PATE2: variants seen among roughly 807,000 people sequenced by gnomAD.
PATE2 encodes prostate and testis expressed protein 2.
In PATE2, 7 loss-of-function variants were observed where a neutral mutation model predicts 10.5. The ratio of observed to expected loss-of-function variants is 0.66; its 90% CI spans 0.38 to 1.25. The LOEUF (loss-of-function observed/expected upper bound fraction) is 1.25, where lower values mean the gene tolerates loss of function less well. Ranked by LOEUF, PATE2 falls within the 50% of genes most tolerant of loss-of-function variation. The probability of loss-of-function intolerance (pLI) is 0.02; values close to 1 mark genes in which losing one functional copy is unlikely to be tolerated. For missense variants in PATE2, 133 were observed against 135.4 expected (o/e 0.98, Z 0.09); for synonymous variants, 44 against 46.9 (o/e 0.94, Z 0.25).
chr11:125,777,029 TC>T lies in PATE2; in HGVS notation c.*352del. On this transcript the variant is annotated 3_prime_UTR_variant, in exon 4 of 4. Transcript: ENST00000358524. ...GTGTGTAGATGAGGATAGAGGATAG[TC>T]ACAGAATTCTCAGTACAAATTGGAG... 5.6e-6 allele frequency: 1 copy of T among 177,716 alleles called. No homozygotes were observed. The highest frequency in any genetic ancestry group is 1.2e-5 in the Non-Finnish European group (1 of 84,104). The allele number at this position is 177,716 out of a possible 1,614,324, so 11.0% of individuals were successfully genotyped here.
intron 3 of PATE2, 37 bp from the exon 4 acceptor site, chr11:125,777,555 A>C (rs1442730040): frequency 6.2e-7 from 1 of 1,610,970 alleles, no homozygotes. Flanking sequence ...GATCATAATG[A>C]CCTCATTTCC....
chr11:125,777,741 G>T, intron 3 of PATE2, 133 bp downstream of exon 3: 1 of 1,239,696 alleles, frequency 8.1e-7, no homozygotes, highest in Non-Finnish European at 1.1e-6. Flanking sequence ...GGAAAAGTCT[G>T]TCTTTGCCAT....
rs777028913 is a variant in PATE2, at chr11:125,777,454, C to A, written c.270G>T (p.Leu90=). 6 of 1,613,604 alleles carry A rather than the reference C, an allele frequency of 3.7e-6. No homozygotes were observed. The East Asian group carries it at 1.3e-4, about 36-fold the overall frequency. Residue 90 remains leucine, a synonymous_variant, in exon 4 of 4, where the codon CTG becomes CTT. Coordinates refer to ENST00000358524, the MANE Select transcript of PATE2 (RefSeq NM_212555.3). ...TGAGCTCTACCCTCTTCGTGAACCC[C>A]AGGAAGTTGATGTCCTCACAGCTGG... ...CMTSCEDINF[L]GFTKRVELIC...
chr11:125,777,546 A>T (rs759293078), intron 3 of PATE2, 28 bp from the exon 4 acceptor site: 2 of 1,612,538 alleles, frequency 1.2e-6, no homozygotes, highest in Non-Finnish European at 8.5e-7. Context: ...AGGAAATATG[A>T]TCATAATGAC....
chr11:125,778,422 G>T, intron 2 of PATE2, 130 bp downstream of exon 2: 4 of 995,530 alleles, frequency 4.0e-6, no homozygotes, highest in Non-Finnish European at 6.1e-6. Context: ...GGTCTGGCAG[G>T]AGGCGAAACC....
At position 125,777,805 on chromosome 11, in the gene PATE2, G is replaced by A. The variant is rs1394534943; in HGVS notation, c.205+69C>T. 28 of 1,567,274 alleles carry A rather than the reference G, an allele frequency of 1.8e-5. No individual in the cohort carries two copies. The East Asian group carries it at 5.2e-4, about 29-fold the overall frequency. ...TCCCATTCACCTACTCACGCTGAGGGCAAAAGAACACTACTGTTTCTCAGG... is the reference window on the plus strand; with the variant it reads ...TCCCATTCACCTACTCACGCTGAGGACAAAAGAACACTACTGTTTCTCAGG... On this transcript the variant is annotated intron_variant, in intron 3 of 3. Coordinates refer to ENST00000358524, the MANE Select transcript of PATE2 (RefSeq NM_212555.3).
In PATE2 at chr11:125,776,583, T is replaced by C. The variant is rs1565420285; in HGVS notation, c.*799A>G. 1 of 152,178 alleles carries C rather than the reference T, an allele frequency of 6.6e-6. No individual in the cohort carries two copies. Among genetic ancestry groups the C allele is most frequent in the Non-Finnish European group, 1.5e-5 (1 of 68,062 alleles). The allele number at this position is 152,178 out of a possible 1,614,324, so 9.4% of individuals were successfully genotyped here. A position where few individuals can be genotyped will look rare whatever the true frequency, so the allele number is the denominator to read the frequency against. ...TATTATCTTCAACTACTACACCACC[T>C]GCCACATTATCAGCATTTTGTTTGC... is the stretch of plus-strand genomic sequence containing the variant. On this transcript the variant is annotated 3_prime_UTR_variant, in exon 4 of 4. Coordinates refer to ENST00000358524, the MANE Select transcript of PATE2 (RefSeq NM_212555.3).
Position 125,778,731 on chromosome 11 carries a change from G to C in PATE2, c.43C>G (p.Pro15Ala). 1.2e-6 allele frequency: 2 copies of C among 1,613,508 alleles called. No individual in the cohort carries two copies. Among genetic ancestry groups the C allele is most frequent in the Non-Finnish European group, 1.7e-6 (2 of 1,179,688 alleles). Residue 15 changes from proline to alanine, a missense_variant, in exon 1 of 4, where the codon CCA becomes GCA. Physicochemically the swap from Pro to Ala is conservative, Grantham distance 27. Coordinates refer to ENST00000358524, the MANE Select transcript of PATE2 (RefSeq NM_212555.3). ...TGTCTCCAGGACTTACCCCAATATGGGCAGAGCAGAAAGACTGTGCCCAGG... is the reference window on the plus strand; with the variant it reads ...TGTCTCCAGGACTTACCCCAATATGCGCAGAGCAGAAAGACTGTGCCCAGG... ...FLLGTVFLLCPYWGELHDPIK... is the reference protein window; with the variant it reads ...FLLGTVFLLCAYWGELHDPIK...
At position 125,776,761 on chromosome 11, in the gene PATE2, A is replaced by G. The variant is rs1178227411; in HGVS notation, c.*621T>C. 2 of 152,146 alleles carry G rather than the reference A, an allele frequency of 1.3e-5. No individual in the cohort carries two copies. Among genetic ancestry groups the G allele is most frequent in the Non-Finnish European group, 2.9e-5 (2 of 68,094 alleles). 9.4% of individuals were successfully genotyped at this position (152,146 alleles called of 1,614,324 possible). On this transcript the variant is annotated 3_prime_UTR_variant, in exon 4 of 4. Transcript: ENST00000358524. The stretch of plus-strand genomic sequence containing the variant: ...CCACCCACAGCAAGTTATTTCTCAG[A>G]TCTTAGTTTTTACCAGTTGAAATGC...
rs1221597776 is a variant in PATE2, at chr11:125,776,674, C to T, written c.*708G>A. Reference sequence around the variant, plus strand: ...AACACTCTGTTCCCAATCCAATCACCTAGTTCAACCATGTGCCCAAGGCTG... The same window carrying T: ...AACACTCTGTTCCCAATCCAATCACTTAGTTCAACCATGTGCCCAAGGCTG... On this transcript the variant is annotated 3_prime_UTR_variant, in exon 4 of 4. Coordinates refer to ENST00000358524, the MANE Select transcript of PATE2 (RefSeq NM_212555.3). The T allele has an allele frequency of 6.6e-6, 1 of 152,250 alleles. No individual in the cohort carries two copies. The highest frequency in any genetic ancestry group is 1.5e-5 in the Non-Finnish European group (1 of 68,068). The allele number at this position is 152,250 out of a possible 1,614,324, so 9.4% of individuals were successfully genotyped here.
rs780648500 is a variant in PATE2, at chr11:125,778,679, C to G, written c.52+43G>C. Reference sequence around the variant, plus strand: ...TTCTCTTCCCCCAGCATCTGTCCGTCTCTTAACCAACCACCAGCTTCCCCT... The same window carrying G: ...TTCTCTTCCCCCAGCATCTGTCCGTGTCTTAACCAACCACCAGCTTCCCCT... On this transcript the variant is annotated intron_variant, in intron 1 of 3. Transcript: ENST00000358524. 3 of 1,613,166 alleles carry G rather than the reference C, an allele frequency of 1.9e-6. No individual in the cohort carries two copies. The African/African-American group carries it at 4.0e-5, about 22-fold the overall frequency.
At chr11:125,777,817 T>G (rs522690) in intron 3 of PATE2, 57 bp downstream of exon 3, 1 of 1,590,948 alleles carries the variant, frequency 6.3e-7, no homozygotes, top group East Asian at 2.2e-5. Context: ...AAAAGAACAC[T>G]ACTGTTTCTC....
rs996409077 is a variant in PATE2 at position 125,776,664 on chromosome 11, A to G, written c.*718T>C. 6.6e-6 allele frequency: 1 copy of G among 152,174 alleles called. No homozygotes were observed. The highest frequency in any genetic ancestry group is 1.5e-5 in the Non-Finnish European group (1 of 68,054). 9.4% of individuals were successfully genotyped at this position (152,174 alleles called of 1,614,324 possible). A position where few individuals can be genotyped will look rare whatever the true frequency, so the allele number is the denominator to read the frequency against. Reference sequence around the variant, plus strand: ...TCCTTAAAAAAACACTCTGTTCCCAATCCAATCACCTAGTTCAACCATGTG... The same window carrying G: ...TCCTTAAAAAAACACTCTGTTCCCAGTCCAATCACCTAGTTCAACCATGTG... On this transcript the variant is annotated 3_prime_UTR_variant, in exon 4 of 4. Transcript: ENST00000358524.
chr11:125,778,236 C>T (rs565107685), intron 2 of PATE2, among the ~76,000 whole-genome samples: 1 of 152,088 alleles, frequency 6.6e-6, no homozygotes, highest in Non-Finnish European at 1.5e-5. Flanking sequence ...GAAAGATAAC[C>T]TGTACAAACA....
rs953360244 is a variant in PATE2 at position 125,776,462 on chromosome 11, A to G, written c.*920T>C. On this transcript the variant is annotated 3_prime_UTR_variant, in exon 4 of 4. Coordinates refer to ENST00000358524, the MANE Select transcript of PATE2 (RefSeq NM_212555.3). The stretch of plus-strand genomic sequence containing the variant: ...CTCTTCCCACCACTGTTACCCATAT[A>G]TGCTACCTTTCTCACACTTTCTGCA... The G allele has an allele frequency of 2.0e-5, 3 of 152,236 alleles. No homozygotes were observed. Among genetic ancestry groups the G allele is most frequent in the Admixed American group, 6.6e-5 (1 of 15,254 alleles). The allele number at this position is 152,236 out of a possible 1,614,324, so 9.4% of individuals were successfully genotyped here.
chr11:125,778,090 G>A lies in PATE2; in HGVS notation c.77-88C>T, dbSNP rs193278435. ...GGCTTCACTACAGGACCTTATTCTT[G>A]CCTAGTGGTTCCTAACATTTTTTGG... On this transcript the variant is annotated intron_variant, in intron 2 of 3. Coordinates refer to ENST00000358524, the MANE Select transcript of PATE2 (RefSeq NM_212555.3). The A allele has an allele frequency of 2.7e-5, 39 of 1,418,740 alleles. No individual in the cohort carries two copies. The East Asian group carries it at 8.5e-4, about 31-fold the overall frequency. The allele number at this position is 1,418,740 out of a possible 1,614,324, so 87.9% of individuals were successfully genotyped here. A position where few individuals can be genotyped will look rare whatever the true frequency, so the allele number is the denominator to read the frequency against.
At chr11:125,778,140 G>A (rs1272892298) in intron 2 of PATE2, 138 bp from the exon 3 acceptor site, 2 of 826,278 alleles carry the variant, frequency 2.4e-6, no homozygotes, top group African/African-American at 3.4e-5. Context: ...GTAATCTTGA[G>A]AAAGATAGGG....
chr11:125,778,693 C>T lies in PATE2; in HGVS notation c.52+29G>A, dbSNP rs769386312. The T allele has an allele frequency of 9.3e-6, 15 of 1,613,404 alleles. No individual in the cohort carries two copies. In the Admixed American group the frequency reaches 1.5e-4, roughly 16 times the overall value. On this transcript the variant is annotated intron_variant, in intron 1 of 3. Coordinates refer to ENST00000358524, the MANE Select transcript of PATE2 (RefSeq NM_212555.3). ...CATCTGTCCGTCTCTTAACCAACCACCAGCTTCCCCTCTGTCTCCAGGACT... is the reference window on the plus strand; with the variant it reads ...CATCTGTCCGTCTCTTAACCAACCATCAGCTTCCCCTCTGTCTCCAGGACT...
At position 125,776,203 on chromosome 11, in the gene PATE2, T is replaced by C. The variant is rs1414835429; in HGVS notation, c.*1179A>G. The stretch of plus-strand genomic sequence containing the variant: ...ATTTATTTTTTTATTTTACTTTAAG[T>C]TCTGGGATACATGAAAGAAAGTGCA... On this transcript the variant is annotated 3_prime_UTR_variant, in exon 4 of 4. Transcript: ENST00000358524. 2.0e-5 allele frequency: 3 copies of C among 152,176 alleles called. No individual in the cohort carries two copies. The highest frequency in any genetic ancestry group is 7.2e-5 in the African/African-American group (3 of 41,448). 9.4% of individuals were successfully genotyped at this position (152,176 alleles called of 1,614,324 possible). A position where few individuals can be genotyped will look rare whatever the true frequency, so the allele number is the denominator to read the frequency against.
Sources: gnomAD v4.1 joint callset for allele counts (sites outside exome capture counted in the v4.1 genomes callset) on GRCh38, gnomAD v4.1.1 for gene constraint, MANE v1.5 for transcripts, NCBI Gene and HGNC (gene_info 2026-07-23, HGNC 2026-07-21) for gene names.